The following ATXN7L1 variants were observed in gnomAD, a reference collection of about 807,000 sequenced individuals.
ATXN7L1 encodes ataxin 7 like 1.
In ATXN7L1, 15 loss-of-function variants were observed where a neutral mutation model predicts 70.8. The ratio of observed to expected loss-of-function variants is 0.21; its 90% CI spans 0.14 to 0.33. The LOEUF (loss-of-function observed/expected upper bound fraction) is 0.33. Ranked by LOEUF, ATXN7L1 falls within the 10% of genes least tolerant of loss-of-function variation. The pLI is 1.00. For missense variants in ATXN7L1, 975 were observed against 1,097.1 expected, an observed-to-expected ratio of 0.89 and a Z score of 1.57; for synonymous variants, 440 against 445.1, an observed-to-expected ratio of 0.99 and a Z score of 0.14.
chr7:105,614,380 A>C lies in ATXN7L1; in HGVS notation c.1954T>G (p.Ser652Ala). The change falls in exon 10 of 12, where the codon TCC (serine) becomes GCC (alanine). Residue 652 changes from serine to alanine, a missense_variant. Coordinates refer to ENST00000419735, the MANE Select transcript of ATXN7L1 (RefSeq NM_020725.2). This position sits in a 1 kb window ranked among gnomAD's most constrained non-coding sequence, Gnocchi z 4.3. ...NKKRKPQSSTSSSSSSSSSSL... is the reference protein window; with the variant it reads ...NKKRKPQSSTASSSSSSSSSL... ...GAGGAGGAGGAGGAGGAGGAGGAGG[A>C]AGTCGAAGACTGTGGCTTCCTTTTT... is the stretch of plus-strand genomic sequence containing the variant. 6.4e-7 allele frequency: 1 copy of C among 1,552,098 alleles called. No individual in the cohort carries two copies. The highest frequency in any genetic ancestry group is 8.7e-7 in the Non-Finnish European group (1 of 1,147,020).
chr7:105,769,177 G>A (rs1310432879), intron 3 of ATXN7L1, among the ~76,000 whole-genome samples: 8 of 152,192 alleles, frequency 5.3e-5, no homozygotes, highest in Non-Finnish European at 1.2e-4. Context: ...TTTGGAAACA[G>A]CAAGATACTG....
intron 3 of ATXN7L1, among the ~76,000 whole-genome samples, chr7:105,753,052 T>A (rs1799391502): frequency 6.6e-6 from 1 of 152,240 alleles, no homozygotes; most frequent in African/African-American, 2.4e-5. Flanking sequence ...CACAGCCAAG[T>A]GGTCAGTGAA....
intron 2 of ATXN7L1, among the ~76,000 whole-genome samples, chr7:105,852,950 C>T (rs1815097749): frequency 6.6e-6 from 1 of 152,022 alleles, no homozygotes; most frequent in South Asian, 2.1e-4. Flanking sequence ...AAACGAGTCG[C>T]AAAAGGACAC....
chr7:105,860,303 G>T (rs1816429426), intron 2 of ATXN7L1, among the ~76,000 whole-genome samples: 1 of 151,916 alleles, frequency 6.6e-6, no homozygotes, highest in African/African-American at 2.4e-5. Flanking sequence ...CAGAGTGGGG[G>T]TTACTACTGA....
chr7:105,613,447 G>T, intron 10 of ATXN7L1: 1 of 1,020,276 alleles, frequency 9.8e-7, no homozygotes, highest in African/African-American at 1.7e-5. Flanking sequence ...CTTCCTAAGG[G>T]GGTTCCAACA....
At chr7:105,804,928 G>C (rs79901790) in intron 2 of ATXN7L1, among the ~76,000 whole-genome samples, 1 of 152,200 alleles carries the variant, frequency 6.6e-6, no homozygotes, top group Non-Finnish European at 1.5e-5. Context: ...GCAGCTGGGA[G>C]AAAGGGAGAC....
intron 2 of ATXN7L1, among the ~76,000 whole-genome samples, chr7:105,805,917 T>TAA (rs1220917175): frequency 1.5e-3 from 232 of 151,774 alleles, no homozygotes; most frequent in Non-Finnish European, 2.5e-3. Flanking sequence ...TGCTCATGAG[T>TAA]ATGAGAGAGA....
intron 3 of ATXN7L1, among the ~76,000 whole-genome samples, chr7:105,759,467 TGTGTGTGTGTGTGTGTG>T (rs1563070732): frequency 6.8e-5 from 8 of 118,286 alleles, no homozygotes; most frequent in African/African-American, 2.5e-4. Context: ...TGTGTGTGTG[TGTGTGTGTGTGTGTGTG>T]TGTGTGTATG....
intron 3 of ATXN7L1, among the ~76,000 whole-genome samples, chr7:105,747,758 A>G (rs1476317483): frequency 6.6e-6 from 1 of 152,200 alleles, no homozygotes; most frequent in Non-Finnish European, 1.5e-5. Flanking sequence ...GAGGACATCC[A>G]GCTGGTGTCC....
chr7:105,645,123 G>A (rs1052773726), intron 4 of ATXN7L1, among the ~76,000 whole-genome samples: 2 of 151,966 alleles, frequency 1.3e-5, no homozygotes, highest in African/African-American at 2.4e-5. Flanking sequence ...TTTAATGCCC[G>A]TTGAACAACT....
At chr7:105,837,772 G>A (rs942163530) in intron 2 of ATXN7L1, among the ~76,000 whole-genome samples, 3 of 152,154 alleles carry the variant, frequency 2.0e-5, no homozygotes, top group Admixed American at 6.6e-5. Context: ...CATGGAACAC[G>A]TCCCTGGCCA....
At position 105,605,188 on chromosome 7, in the gene ATXN7L1, G is replaced by C. The variant is rs2115677166; in HGVS notation, c.*2664C>G. 1 of 152,062 alleles carries C rather than the reference G, an allele frequency of 6.6e-6. No homozygotes were observed. The highest frequency in any genetic ancestry group is 1.5e-5 in the Non-Finnish European group (1 of 68,022). 9.4% of individuals were successfully genotyped at this position (152,062 alleles called of 1,614,324 possible). On this transcript the variant is annotated 3_prime_UTR_variant, in exon 12 of 12. Transcript: ENST00000419735. ...GGTGTGTGCAGTCAAGGGGCTGGGA[G>C]AGAAGACTGAGTGGGTGTGCAGAAC...
chr7:105,697,033 A>G (rs1293329345), intron 3 of ATXN7L1, among the ~76,000 whole-genome samples: 1 of 152,238 alleles, frequency 6.6e-6, no homozygotes, highest in Non-Finnish European at 1.5e-5. Context: ...TGGGTGACAG[A>G]CATCAAGTAC....
chr7:105,694,946 G>T (rs1301552423), intron 3 of ATXN7L1, among the ~76,000 whole-genome samples: 9 of 152,218 alleles, frequency 5.9e-5, no homozygotes, highest in African/African-American at 2.2e-4. Context: ...GAGGTCAGGA[G>T]TTCGAAACCA....
At chr7:105,790,650 CT>C (rs1302832439) in intron 2 of ATXN7L1, among the ~76,000 whole-genome samples, 2 of 149,390 alleles carry the variant, frequency 1.3e-5, no homozygotes, top group African/African-American at 5.0e-5. Context: ...ATCTATCTAT[CT>C]ATCATCTATC....
At chr7:105,714,572 C>T (rs1367463646) in intron 3 of ATXN7L1, among the ~76,000 whole-genome samples, 3 of 152,198 alleles carry the variant, frequency 2.0e-5, no homozygotes, top group Non-Finnish European at 2.9e-5. Context: ...TTCTTGAATG[C>T]CTGGGTCCCC....
intron 4 of ATXN7L1, among the ~76,000 whole-genome samples, chr7:105,647,175 A>AAT (rs1799169620): frequency 6.6e-6 from 1 of 152,178 alleles, no homozygotes; most frequent in Non-Finnish European, 1.5e-5. Flanking sequence ...CAGGAAAGGA[A>AAT]ATTAGAACTT....
intron 3 of ATXN7L1, chr7:105,761,496 T>A (rs781097817): frequency 5.0e-6 from 8 of 1,613,312 alleles, no homozygotes; most frequent in Non-Finnish European, 5.9e-6. Flanking sequence ...TGGCATTTGC[T>A]GAATGGTATC....
chr7:105,643,760 G>A (rs1798596429), intron 4 of ATXN7L1, among the ~76,000 whole-genome samples: 1 of 152,260 alleles, frequency 6.6e-6, no homozygotes, highest in Non-Finnish European at 1.5e-5. Flanking sequence ...AGCTAGTTAT[G>A]TAAATAGGCA....
Sources: gnomAD v4.1 joint callset for allele counts (sites outside exome capture counted in the v4.1 genomes callset) on GRCh38, gnomAD v4.1.1 for gene constraint, Gnocchi (gnomAD v3.1) non-coding constraint, MANE v1.5 for transcripts, NCBI Gene and HGNC (gene_info 2026-07-23, HGNC 2026-07-21) for gene names.